The following SEC63 variants were observed in gnomAD, a reference collection of about 807,000 sequenced individuals.
SEC63 encodes SEC63 protein translocation regulator.
Under a neutral mutation model 116.2 loss-of-function variants are expected in SEC63, and 56 were observed. The ratio of observed to expected loss-of-function variants is 0.48; its 90% CI spans 0.39 to 0.60. The LOEUF (loss-of-function observed/expected upper bound fraction) is 0.60, where lower values mean the gene tolerates loss of function less well. Among genes scored for constraint, SEC63 ranks in the 20% least tolerant of loss-of-function variants. The pLI is 0.00. For synonymous variants in SEC63, 273 were observed against 294.6 expected (o/e 0.93, Z 0.75); for missense variants, 668 against 900.0 (o/e 0.74, Z 3.30).
intron 1 of SEC63, 84 bp downstream of exon 1, chr6:107,957,802 G>A: frequency 7.5e-7 from 1 of 1,333,774 alleles, no homozygotes; most frequent in Non-Finnish European, 9.6e-7. Flanking sequence ...GCCGCGGGCT[G>A]GGGCCGGGCA....
chr6:107,947,560 G>A (rs1770502496), intron 1 of SEC63, among the ~76,000 whole-genome samples: 1 of 152,008 alleles, frequency 6.6e-6, no homozygotes, highest in Non-Finnish European at 1.5e-5. Flanking sequence ...GTAACAACAT[G>A]AGATCCAGTC....
At chr6:107,923,458 A>C in intron 3 of SEC63, among the ~76,000 whole-genome samples, 1 of 152,164 alleles carries the variant, frequency 6.6e-6, no homozygotes. Context: ...AGGTTTAATC[A>C]AAAAATCACC....
Position 107,919,679 on chromosome 6 carries a change from G to C in SEC63, c.452+2118C>G, listed in dbSNP as rs188244247. ...CTACTAAAAATATTAAAAATTAGCC[G>C]GGCATGTTGGCGGGTGCCTGTAGTC... On this transcript the variant is annotated intron_variant, in intron 4 of 20. Coordinates refer to ENST00000369002, the MANE Select transcript of SEC63 (RefSeq NM_007214.5). Among the ~76,000 whole-genome samples the C allele has an allele frequency of 3.7e-3, 567 of 152,018 alleles. 4 individuals are homozygous for C. Among genetic ancestry groups the C allele is most frequent in the African/African-American group, 0.013 (535 of 41,480 alleles).
rs2272885 is a variant in SEC63, at chr6:107,906,658, G to A, written c.828+25C>T. ...TCACTTTAATACTTAACTGCTCATCGGGGGATTTGGGAAATTAGCCTAACC... is the reference window on the plus strand; with the variant it reads ...TCACTTTAATACTTAACTGCTCATCAGGGGATTTGGGAAATTAGCCTAACC... On this transcript the variant is annotated intron_variant, in intron 9 of 20. Coordinates refer to ENST00000369002, the MANE Select transcript of SEC63 (RefSeq NM_007214.5). 423 of 1,605,346 alleles carry A rather than the reference G, an allele frequency of 2.6e-4. 2 individuals are homozygous for A. The East Asian group carries it at 7.9e-3, about 30-fold the overall frequency.
At chr6:107,953,989 G>T (rs1770647787) in intron 1 of SEC63, among the ~76,000 whole-genome samples, 2 of 152,298 alleles carry the variant, frequency 1.3e-5, no homozygotes, top group South Asian at 4.1e-4. Flanking sequence ...ATTGAGAACG[G>T]GCCATGATGA....
intron 4 of SEC63, among the ~76,000 whole-genome samples, chr6:107,918,903 CCTTTTTTTTTTTT>C (rs1336551633): frequency 9.2e-6 from 1 of 108,536 alleles, no homozygotes; most frequent in African/African-American, 3.2e-5. Flanking sequence ...AAGCTGATTT[CCTTTTTTTTTTTT>C]TTTTTTTTTT....
chr6:107,933,957 G>T (rs1275312595), intron 1 of SEC63, among the ~76,000 whole-genome samples: 1 of 152,254 alleles, frequency 6.6e-6, no homozygotes, highest in South Asian at 2.1e-4. Context: ...TCCTAACCGC[G>T]AGTGATCCGC....
chr6:107,909,090 G>T, intron 7 of SEC63, 55 bp from the exon 8 acceptor site: 1 of 1,201,304 alleles, frequency 8.3e-7, no homozygotes, highest in South Asian at 1.2e-5. Flanking sequence ...ACGATAGGCT[G>T]GGCGAGATGG....
In SEC63 at chr6:107,876,558, A is replaced by G. The variant is rs1786271811; in HGVS notation, c.2034+6T>C. On this transcript the variant is annotated splice_donor_region_variant and intron_variant, in intron 19 of 20. Transcript: ENST00000369002. ...AAACACTGAAATCATGTTGCTTGAT[A>G]GTTACCTCCTCTGTATCTTTCAGCG... The G allele has an allele frequency of 1.3e-6, 2 of 1,530,802 alleles. No homozygotes were observed. Among genetic ancestry groups the G allele is most frequent in the African/African-American group, 1.4e-5 (1 of 73,058 alleles). 94.8% of individuals were successfully genotyped at this position (1,530,802 alleles called of 1,614,324 possible).
intron 12 of SEC63, 40 bp downstream of exon 12, chr6:107,902,804 C>G (rs201044427): frequency 6.3e-7 from 1 of 1,594,830 alleles, no homozygotes; most frequent in East Asian, 2.2e-5. Context: ...AGTGACAGGA[C>G]AAACTGCTGA....
intron 18 of SEC63, 137 bp downstream of exon 18, chr6:107,881,012 A>G: frequency 1.5e-6 from 1 of 686,600 alleles, no homozygotes; most frequent in Non-Finnish European, 2.6e-6. Flanking sequence ...TTCCCTTTTA[A>G]AAATATGGCC....
chr6:107,935,728 C>T (rs2114498714), intron 1 of SEC63, among the ~76,000 whole-genome samples: 1 of 151,404 alleles, frequency 6.6e-6, no homozygotes, highest in South Asian at 2.1e-4. Flanking sequence ...CTTCCCTCCA[C>T]TATTGTCCTA....
At chr6:107,915,078 T>C (rs187541877) in intron 4 of SEC63, among the ~76,000 whole-genome samples, 7 of 152,326 alleles carry the variant, frequency 4.6e-5, no homozygotes, top group Non-Finnish European at 5.9e-5. Context: ...AGCATTTCAG[T>C]ATAATACCAC....
At position 107,876,672 on chromosome 6, in the gene SEC63, A is replaced by AAC; in HGVS notation, c.1936-11_1936-10insGT. 1.0e-5 allele frequency: 11 copies of AAC among 1,102,944 alleles called. No homozygotes were observed. Among genetic ancestry groups the AAC allele is most frequent in the South Asian group, 1.5e-5 (1 of 64,748 alleles). 68.3% of individuals were successfully genotyped at this position (1,102,944 alleles called of 1,614,324 possible). A position where few individuals can be genotyped will look rare whatever the true frequency, so the allele number is the denominator to read the frequency against. On this transcript the variant is annotated splice_polypyrimidine_tract_variant and intron_variant, in intron 18 of 20. Transcript: ENST00000369002. ...ACCATTCTTGTTTTTCCTGGAAACAAAAAAAAAAAAAAAAAAAGAAGAGGG... is the reference window on the plus strand; with the variant it reads ...ACCATTCTTGTTTTTCCTGGAAACAAACAAAAAAAAAAAAAAAAAGAAGAGGG...
intron 1 of SEC63, among the ~76,000 whole-genome samples, chr6:107,941,419 C>T (rs948863264): frequency 6.6e-6 from 1 of 151,800 alleles, no homozygotes; most frequent in Admixed American, 6.6e-5. Flanking sequence ...GAATCAGCTC[C>T]TTGAGCCCAG....
chr6:107,898,963 G>A (rs1450223162), intron 13 of SEC63, among the ~76,000 whole-genome samples: 2 of 152,138 alleles, frequency 1.3e-5, no homozygotes, highest in Admixed American at 1.3e-4. Flanking sequence ...TCAACAAAGG[G>A]TATGGTATCC....
intron 17 of SEC63, among the ~76,000 whole-genome samples, chr6:107,882,715 G>A (rs1167134123): frequency 6.6e-6 from 1 of 152,070 alleles, no homozygotes; most frequent in East Asian, 1.9e-4. Flanking sequence ...GAGACCAACT[G>A]ACCTAACCTC....
intron 1 of SEC63, chr6:107,930,076 ACTAAAACCGGAGCAGGACATACG>A (rs994159826): frequency 5.2e-5 from 8 of 155,002 alleles, no homozygotes; most frequent in Admixed American, 1.3e-4. Flanking sequence ...CAGCACATAC[ACTAAAACCGGAGCAGGACATACG>A]CTAAAACCGG....
intron 19 of SEC63, among the ~76,000 whole-genome samples, chr6:107,874,613 A>C (rs571997068): frequency 2.6e-5 from 4 of 151,908 alleles, no homozygotes; most frequent in East Asian, 1.9e-4. Context: ...AAAAAAAAAA[A>C]AAGAACAAGA....
Sources: gnomAD v4.1 joint callset for allele counts (sites outside exome capture counted in the v4.1 genomes callset) on GRCh38, gnomAD v4.1.1 for gene constraint, MANE v1.5 for transcripts, NCBI Gene and HGNC (gene_info 2026-07-23, HGNC 2026-07-21) for gene names.